Variants in NIPBL observed in about 807,000 individuals in gnomAD.
NIPBL encodes NIPBL cohesin loading factor.
Under a neutral mutation model 321.8 loss-of-function variants are expected in NIPBL, and 19 were observed. That is an observed-to-expected ratio of 0.06 (90% CI 0.04 to 0.09). The LOEUF is 0.09. Ranked by LOEUF, NIPBL falls within the 10% of genes least tolerant of loss-of-function variation. The pLI, the probability that NIPBL is intolerant of heterozygous loss-of-function variation, is 1.00. For missense variants in NIPBL, 2,210 were observed against 3,327.0 expected, an observed-to-expected ratio of 0.66 and a Z score of 8.26; for synonymous variants, 1,106 against 1,114.1, an observed-to-expected ratio of 0.99 and a Z score of 0.14.
intron 34 of NIPBL, among the ~76,000 whole-genome samples, chr5:37,039,018 T>C (rs1237570510): frequency 6.6e-6 from 1 of 152,158 alleles, no homozygotes; most frequent in Non-Finnish European, 1.5e-5. Context: ...GCAGAGTTCC[T>C]CTCTTTGAGA....
At chr5:37,059,765 A>T (rs1014326144) in intron 44 of NIPBL, among the ~76,000 whole-genome samples, 1 of 152,216 alleles carries the variant, frequency 6.6e-6, no homozygotes, top group Non-Finnish European at 1.5e-5. Flanking sequence ...TACAAGTTTA[A>T]GTTTTTAAAG....
At chr5:36,908,210 CTT>C (rs1343843914) in intron 1 of NIPBL, among the ~76,000 whole-genome samples, 1 of 152,050 alleles carries the variant, frequency 6.6e-6, no homozygotes, top group Non-Finnish European at 1.5e-5. Context: ...GGAAAAAACT[CTT>C]TTTTGAGGAT....
At chr5:37,013,618 G>A (rs1233444920) in intron 21 of NIPBL, among the ~76,000 whole-genome samples, 1 of 152,064 alleles carries the variant, frequency 6.6e-6, no homozygotes, top group Non-Finnish European at 1.5e-5. Flanking sequence ...TGGGTGGCCG[G>A]GCAGAGACGC....
intron 6 of NIPBL, 127 bp from the exon 7 acceptor site, chr5:36,970,749 G>A: frequency 1.2e-6 from 1 of 810,084 alleles, no homozygotes; most frequent in Admixed American, 2.1e-5. Flanking sequence ...AAACTAGTCA[G>A]TACATGAGTA....
At chr5:36,982,332 T>A in intron 9 of NIPBL, 1 of 375,996 alleles carries the variant, frequency 2.7e-6, no homozygotes, top group Non-Finnish European at 3.7e-6. Flanking sequence ...TGGACAAAAG[T>A]GACCTGTACA....
chr5:36,992,551 C>T (rs1745648232), intron 10 of NIPBL, among the ~76,000 whole-genome samples: 1 of 151,860 alleles, frequency 6.6e-6, no homozygotes, highest in Non-Finnish European at 1.5e-5. Flanking sequence ...GTCTCATTCT[C>T]TTACCCAGGC....
intron 3 of NIPBL, 73 bp from the exon 4 acceptor site, chr5:36,958,031 T>A: frequency 1.3e-6 from 2 of 1,494,854 alleles, no homozygotes; most frequent in South Asian, 2.3e-5. Flanking sequence ...CAGTGTGATT[T>A]ACTTTTATAT....
intron 9 of NIPBL, among the ~76,000 whole-genome samples, chr5:36,977,956 A>T (rs180759461): frequency 1.4e-4 from 22 of 151,952 alleles, no homozygotes; most frequent in Non-Finnish European, 2.1e-4. Context: ...CTTCTTTATG[A>T]TTGTGTACCA....
intron 1 of NIPBL, among the ~76,000 whole-genome samples, chr5:36,881,940 T>C (rs1745535523): frequency 6.6e-6 from 1 of 151,988 alleles, no homozygotes; most frequent in African/African-American, 2.4e-5. Context: ...AAAGTTCAGC[T>C]TTAGAGAGTC....
Position 37,010,067 on chromosome 5 carries a change from A to AT in NIPBL, c.4422-12dup. ...GAGATTATCTTGATACTCCATACAA[A>AT]TTTTTTTTCTTCATTAAAGGTTAAA... On this transcript the variant is annotated intron_variant, in intron 20 of 46. Coordinates refer to ENST00000282516, the MANE Select transcript of NIPBL (RefSeq NM_133433.4). The AT allele has an allele frequency of 8.9e-6, 14 of 1,581,310 alleles. No homozygotes were observed. Among genetic ancestry groups the AT allele is most frequent in the African/African-American group, 1.3e-5 (1 of 74,324 alleles).
intron 42 of NIPBL, among the ~76,000 whole-genome samples, chr5:37,056,112 A>G (rs992676792): frequency 6.6e-6 from 1 of 152,190 alleles, no homozygotes; most frequent in African/African-American, 2.4e-5. Flanking sequence ...TCAATATTAT[A>G]TGAGTTTTGA....
At chr5:36,919,550 A>C (rs1412890554) in intron 1 of NIPBL, among the ~76,000 whole-genome samples, 2 of 152,136 alleles carry the variant, frequency 1.3e-5, no homozygotes, top group East Asian at 3.9e-4. Flanking sequence ...TTTAATCCTT[A>C]CTTGAAAAGC....
At chr5:36,950,723 G>A (rs188947348) in intron 1 of NIPBL, among the ~76,000 whole-genome samples, 69 of 152,168 alleles carry the variant, frequency 4.5e-4, no homozygotes, top group Non-Finnish European at 2.6e-4. Flanking sequence ...GTCAGCTTCA[G>A]TTTTACGAAA....
intron 25 of NIPBL, 64 bp from the exon 26 acceptor site, chr5:37,020,395 T>C: frequency 1.7e-6 from 2 of 1,154,490 alleles, no homozygotes; most frequent in South Asian, 2.5e-5. Context: ...GCACTCTAAC[T>C]TTATTAACTT....
chr5:37,052,830 G>A (rs111705917), intron 42 of NIPBL, among the ~76,000 whole-genome samples: 10 of 152,086 alleles, frequency 6.6e-5, no homozygotes, highest in African/African-American at 9.7e-5. Flanking sequence ...TTCTGTAAGC[G>A]TATCTTTAAA....
intron 1 of NIPBL, among the ~76,000 whole-genome samples, chr5:36,901,966 G>C (rs1297953845): frequency 3.9e-5 from 6 of 152,264 alleles, no homozygotes; most frequent in Non-Finnish European, 8.8e-5. Context: ...GTGTGCAATG[G>C]TGTCTCATTG....
intron 21 of NIPBL, among the ~76,000 whole-genome samples, chr5:37,012,458 T>A (rs1330502250): frequency 7.4e-6 from 1 of 135,350 alleles, no homozygotes; most frequent in Non-Finnish European, 1.6e-5. Context: ...TTTCTCCAAT[T>A]TTTTTTTTTT....
chr5:37,023,488 A>C (rs879391766), intron 29 of NIPBL, among the ~76,000 whole-genome samples: 2 of 152,146 alleles, frequency 1.3e-5, no homozygotes, highest in Admixed American at 6.5e-5. Flanking sequence ...CTTTCTGCTA[A>C]ATTATTTTAA....
At position 36,961,531 on chromosome 5, in the gene NIPBL, A is replaced by C. The variant is rs905703255; in HGVS notation, c.406A>C (p.Ser136Arg). The C allele has an allele frequency of 1.2e-6, 2 of 1,612,418 alleles. No homozygotes were observed. Among genetic ancestry groups the C allele is most frequent in the African/African-American group, 1.3e-5 (1 of 75,022 alleles). Residue 136 changes from serine (S) to arginine (R), a missense_variant, in exon 5 of 47, where the codon AGT becomes CGT. Around this residue, in one of 14 missense-constraint regions of NIPBL, gnomAD observed 464 missense variants for 529.5 expected, o/e 0.88. Coordinates refer to ENST00000282516, the MANE Select transcript of NIPBL (RefSeq NM_133433.4). Reference protein sequence around the residue: ...YKLSQNSMHSSPASSNYQQTT... With the variant: ...YKLSQNSMHSRPASSNYQQTT... ...ACTTTCTCAGAATTCCATGCACAGTAGTCCTGCATCTTCCAATTATCAACA... is the reference window on the plus strand; with the variant it reads ...ACTTTCTCAGAATTCCATGCACAGTCGTCCTGCATCTTCCAATTATCAACA...
Sources: gnomAD v4.1 joint callset for allele counts (sites outside exome capture counted in the v4.1 genomes callset) on GRCh38, gnomAD v4.1.1 for gene constraint, gnomAD v4.1.1 regional missense constraint, MANE v1.5 for transcripts, NCBI Gene and HGNC (gene_info 2026-07-23, HGNC 2026-07-21) for gene names.